ST7: variants seen among roughly 807,000 people sequenced by gnomAD.
The protein encoded by ST7 is suppressor of tumorigenicity 7 protein.
A neutral mutation model predicts 78.7 loss-of-function variants in ST7; 28 were observed. The observed-to-expected ratio is 0.36, with a 90% CI of 0.26 to 0.49. ST7 has a LOEUF of 0.49. Ranked by LOEUF, ST7 falls within the 20% of genes least tolerant of loss-of-function variation. The pLI is 0.99. For missense variants in ST7, 418 were observed against 696.0 expected, an observed-to-expected ratio of 0.60 and a Z score of 4.49; for synonymous variants, 247 against 249.6, an observed-to-expected ratio of 0.99 and a Z score of 0.10.
intron 2 of ST7, among the ~76,000 whole-genome samples, chr7:117,109,916 A>T (rs1478845645): frequency 6.6e-6 from 1 of 152,264 alleles, no homozygotes; most frequent in South Asian, 2.1e-4. Flanking sequence ...GTGATACACC[A>T]TATAAACAGA....
chr7:117,173,002 A>G (rs1808111728), intron 10 of ST7, among the ~76,000 whole-genome samples: 1 of 152,224 alleles, frequency 6.6e-6, no homozygotes, highest in Non-Finnish European at 1.5e-5. Context: ...CTGTTCCACA[A>G]CATTCAAAAA....
intron 3 of ST7, among the ~76,000 whole-genome samples, chr7:117,120,587 G>A (rs1465742036): frequency 1.3e-5 from 2 of 152,088 alleles, no homozygotes; most frequent in Non-Finnish European, 1.5e-5. Context: ...TTCTCATGAC[G>A]CTCTGCCTAC....
At chr7:117,071,043 C>G (rs1031850657) in intron 1 of ST7, among the ~76,000 whole-genome samples, 11 of 151,912 alleles carry the variant, frequency 7.2e-5, no homozygotes, top group Middle Eastern at 3.2e-3. Context: ...CACGGTGAAA[C>G]GCCCTCTCTA....
chr7:116,980,629 G>A (rs953920702), intron 1 of ST7, among the ~76,000 whole-genome samples: 8 of 152,104 alleles, frequency 5.3e-5, no homozygotes, highest in African/African-American at 1.9e-4. Flanking sequence ...GGCCTCTGTA[G>A]CATTCCTCAC....
chr7:117,075,940 C>G (rs1389889884), intron 1 of ST7, among the ~76,000 whole-genome samples: 1 of 152,196 alleles, frequency 6.6e-6, no homozygotes, highest in Non-Finnish European at 1.5e-5. Context: ...CACAAAGTAC[C>G]AAAGAACTGA....
intron 1 of ST7, among the ~76,000 whole-genome samples, chr7:117,009,247 CT>C (rs1205304689): frequency 3.3e-5 from 4 of 121,380 alleles, no homozygotes; most frequent in South Asian, 5.1e-4. Flanking sequence ...AACTTCTCCA[CT>C]TTTTTTTTGT....
chr7:117,223,048 A>G (rs982300376), intron 15 of ST7: 126 of 1,122,662 alleles, frequency 1.1e-4, no homozygotes, highest in Admixed American at 1.6e-4. Context: ...TCCGCCATCC[A>G]CCCCGTTGCT....
At chr7:117,078,064 T>C (rs1799484969) in intron 1 of ST7, among the ~76,000 whole-genome samples, 1 of 152,196 alleles carries the variant, frequency 6.6e-6, no homozygotes, top group South Asian at 2.1e-4. Flanking sequence ...AATCTCTCAA[T>C]CTATAGATAA....
In ST7 at chr7:117,020,843, T is replaced by C. The variant is rs767669921; in HGVS notation, c.151+67152T>C. Among the ~76,000 whole-genome samples the C allele has an allele frequency of 3.5e-4, 54 of 152,230 alleles. 1 individual carries two copies. The highest frequency in any genetic ancestry group is 6.6e-4 in the Non-Finnish European group (45 of 68,004). ...TGTCAATGTGTCAAAACCAGGCCTG[T>C]AAGAGGGAGGTAGGAAAACCAGAAT... On this transcript the variant is annotated intron_variant, in intron 1 of 15. Coordinates refer to ENST00000323984, the MANE Select transcript of ST7 (RefSeq NM_001369598.1).
At chr7:117,106,645 G>A (rs1801995681) in intron 2 of ST7, among the ~76,000 whole-genome samples, 2 of 134,738 alleles carry the variant, frequency 1.5e-5, no homozygotes, top group African/African-American at 5.5e-5. Context: ...TTTTGAGTTG[G>A]AGTCTTGCTC....
chr7:117,227,729 C>T (rs765794738), intron 15 of ST7, among the ~76,000 whole-genome samples: 1 of 152,186 alleles, frequency 6.6e-6, no homozygotes, highest in Non-Finnish European at 1.5e-5. Flanking sequence ...CATTGTCTCC[C>T]ATGATGCCTT....
chr7:116,971,604 G>A (rs1224447474), intron 1 of ST7, among the ~76,000 whole-genome samples: 1 of 152,116 alleles, frequency 6.6e-6, no homozygotes. Context: ...TGTTTTTGTT[G>A]TTATTTGGCT....
chr7:116,956,188 A>G (rs987517968), intron 1 of ST7, among the ~76,000 whole-genome samples: 1 of 152,236 alleles, frequency 6.6e-6, no homozygotes, highest in Non-Finnish European at 1.5e-5. Flanking sequence ...GTGAGAAGTT[A>G]TAGTAGGAAA....
intron 1 of ST7, among the ~76,000 whole-genome samples, chr7:117,034,627 C>T (rs1796782987): frequency 6.6e-6 from 1 of 152,178 alleles, no homozygotes; most frequent in African/African-American, 2.4e-5. Context: ...ACTCTAAATA[C>T]TAATAATCAC....
intron 12 of ST7, among the ~76,000 whole-genome samples, chr7:117,202,870 T>A (rs193582): frequency 4.0e-5 from 6 of 150,406 alleles, no homozygotes; most frequent in Admixed American, 6.6e-5. Flanking sequence ...AGTGTTTTTT[T>A]CCCCCCCTCA....
chr7:117,025,000 A>T (rs1008704920), intron 1 of ST7, among the ~76,000 whole-genome samples: 40 of 152,344 alleles, frequency 2.6e-4, no homozygotes, highest in African/African-American at 8.7e-4. Flanking sequence ...GTTACCAAGA[A>T]CTAGATAATT....
intron 1 of ST7, chr7:117,090,710 A>G (rs1171252119): frequency 9.0e-5 from 15 of 167,136 alleles, no homozygotes. Context: ...TTAAAAATAT[A>G]ATAAGACTTA....
chr7:117,020,553 T>G (rs1474963675), intron 1 of ST7: 17 of 1,544,702 alleles, frequency 1.1e-5, no homozygotes, highest in Non-Finnish European at 1.5e-5. Flanking sequence ...TTTCTTTCTT[T>G]TTTTTTTCCC....
intron 1 of ST7, among the ~76,000 whole-genome samples, chr7:116,996,974 C>T (rs562932524): frequency 1.2e-4 from 19 of 152,190 alleles, no homozygotes; most frequent in African/African-American, 3.4e-4. Context: ...GAATTGTGTC[C>T]GGAATTCGTG....
Sources: allele counts gnomAD v4.1 joint callset (sites outside exome capture counted in the v4.1 genomes callset), GRCh38; gene constraint gnomAD v4.1.1; transcripts MANE v1.5; gene names NCBI Gene and HGNC (gene_info 2026-07-23, HGNC 2026-07-21).